The following MTMR2 variants were observed in gnomAD, a reference collection of about 807,000 sequenced individuals.
MTMR2 encodes myotubularin related protein 2.
MTMR2 carries 55 observed loss-of-function variants against 86.9 expected under a neutral mutation model. The ratio of observed to expected loss-of-function variants is 0.63; its 90% CI spans 0.51 to 0.79. MTMR2 has a LOEUF of 0.79. Ranked by LOEUF, MTMR2 falls within the 30% of genes least tolerant of loss-of-function variation. MTMR2 has a pLI of 0.00. For synonymous variants in MTMR2, 241 were observed against 266.8 expected (o/e 0.90, Z 0.94); for missense variants, 659 against 772.3 (o/e 0.85, Z 1.74).
At chr11:95,923,262 C>A (rs1402185289) in intron 1 of MTMR2, among the ~76,000 whole-genome samples, 2 of 152,104 alleles carry the variant, frequency 1.3e-5, no homozygotes, top group Non-Finnish European at 2.9e-5. Context: ...GGATAAAAAC[C>A]ACTCAGATTC....
chr11:95,869,206 T>C (rs1370373827), intron 2 of MTMR2, among the ~76,000 whole-genome samples: 2 of 139,874 alleles, frequency 1.4e-5, no homozygotes, highest in South Asian at 2.3e-4. Flanking sequence ...AACTGCACCA[T>C]AAAGAGATTT....
At position 95,888,114 on chromosome 11, in the gene MTMR2, A is replaced by AAAG. The variant is rs753437557; in HGVS notation, c.186+41_186+42insCTT. 4.2e-6 allele frequency: 6 copies of AAAG among 1,421,922 alleles called. No individual in the cohort carries two copies. The South Asian group carries it at 7.0e-5, about 16-fold the overall frequency. 88.1% of individuals were successfully genotyped at this position (1,421,922 alleles called of 1,614,324 possible). A position where few individuals can be genotyped will look rare whatever the true frequency, so the allele number is the denominator to read the frequency against. ...TTGATAGTGTTGGCCACAAATATTT[A>AAAG]ACAGAAAGTACTTCATCAGAACTTT... On this transcript the variant is annotated intron_variant, in intron 2 of 14. Transcript: ENST00000346299.
chr11:95,892,624 C>T (rs1318786730), intron 1 of MTMR2, among the ~76,000 whole-genome samples: 1 of 152,212 alleles, frequency 6.6e-6, no homozygotes, highest in East Asian at 1.9e-4. Flanking sequence ...TCCATCCAAA[C>T]ATTCCTGTTT....
intron 2 of MTMR2, among the ~76,000 whole-genome samples, chr11:95,885,570 T>C (rs769355959): frequency 3.9e-5 from 6 of 152,076 alleles, no homozygotes; most frequent in Admixed American, 6.6e-5. Context: ...TCGTTCTGGA[T>C]TGTAACAAAA....
At chr11:95,858,390 C>CT in intron 6 of MTMR2, 141 bp downstream of exon 6, 1 of 670,972 alleles carries the variant, frequency 1.5e-6, no homozygotes, top group East Asian at 2.6e-5. Flanking sequence ...ATCTAAGAGA[C>CT]TAAGTTACAC....
At chr11:95,868,298 A>G (rs1419302085) in intron 2 of MTMR2, among the ~76,000 whole-genome samples, 35 of 85,200 alleles carry the variant, frequency 4.1e-4, no homozygotes, top group Admixed American at 1.9e-3. Flanking sequence ...AAAAAAAAAA[A>G]AAAGAAAGAA....
intron 11 of MTMR2, among the ~76,000 whole-genome samples, chr11:95,842,971 G>C (rs1863613733): frequency 6.6e-6 from 1 of 152,030 alleles, no homozygotes; most frequent in Non-Finnish European, 1.5e-5. Flanking sequence ...CGGGAAATAT[G>C]TGTTAACTCT....
chr11:95,868,261 G>C (rs1256236845), intron 2 of MTMR2, among the ~76,000 whole-genome samples: 2 of 112,860 alleles, frequency 1.8e-5, no homozygotes, highest in African/African-American at 6.6e-5. Flanking sequence ...CAATGGGAGT[G>C]AGACCCTGTG....
intron 10 of MTMR2, among the ~76,000 whole-genome samples, chr11:95,847,376 G>A (rs927764796): frequency 1.3e-5 from 2 of 152,130 alleles, no homozygotes; most frequent in Non-Finnish European, 2.9e-5. Context: ...CTGATTAGAT[G>A]GAAAGACAGG....
intron 1 of MTMR2, among the ~76,000 whole-genome samples, chr11:95,910,564 C>G (rs572560615): frequency 6.6e-6 from 1 of 152,034 alleles, no homozygotes; most frequent in Non-Finnish European, 1.5e-5. Flanking sequence ...GGAGAGGCTG[C>G]ATTTCTACTG....
At position 95,835,466 on chromosome 11, in the gene MTMR2, CAT is replaced by C. The variant is rs1863226492; in HGVS notation, c.1771-17_1771-16del. 2 of 1,589,296 alleles carry C rather than the reference CAT, an allele frequency of 1.3e-6. No individual in the cohort carries two copies. The highest frequency in any genetic ancestry group is 1.7e-6 in the Non-Finnish European group (2 of 1,161,468). On this transcript the variant is annotated splice_polypyrimidine_tract_variant and intron_variant, in intron 14 of 14. Coordinates refer to ENST00000346299, the MANE Select transcript of MTMR2 (RefSeq NM_016156.6). ...TGAATAGGTTCCTGCAAGAGCAAAA[CAT>C]AAAATATTCAACTAGGCAATCCTGA...
intron 2 of MTMR2, among the ~76,000 whole-genome samples, chr11:95,884,071 T>C (rs1030421464): frequency 6.6e-6 from 1 of 152,168 alleles, no homozygotes; most frequent in African/African-American, 2.4e-5. Context: ...TGAATGATAA[T>C]TTTCAAAAAC....
chr11:95,897,741 T>G (rs965005928), intron 1 of MTMR2, among the ~76,000 whole-genome samples: 5 of 152,142 alleles, frequency 3.3e-5, no homozygotes, highest in Middle Eastern at 3.2e-3. Context: ...GAGAGAGACC[T>G]CCTAACAATA....
At chr11:95,915,856 A>C (rs1215489574) in intron 1 of MTMR2, among the ~76,000 whole-genome samples, 1 of 152,180 alleles carries the variant, frequency 6.6e-6, no homozygotes, top group East Asian at 1.9e-4. Flanking sequence ...ACAATATAGC[A>C]CGGCAATCCA....
At chr11:95,872,543 A>G (rs949727820) in intron 2 of MTMR2, among the ~76,000 whole-genome samples, 4 of 152,204 alleles carry the variant, frequency 2.6e-5, no homozygotes, top group African/African-American at 7.2e-5. Flanking sequence ...TAGATATACA[A>G]TCATGTCATC....
intron 1 of MTMR2, among the ~76,000 whole-genome samples, chr11:95,892,206 G>GT (rs1305248401): frequency 6.6e-6 from 1 of 152,046 alleles, no homozygotes; most frequent in Non-Finnish European, 1.5e-5. Flanking sequence ...AACAAGCTCT[G>GT]TATTTCCCAA....
Position 95,924,053 on chromosome 11 carries a change from A to G in MTMR2, c.-99T>C. On this transcript the variant is annotated 5_prime_UTR_variant, in exon 1 of 15. An upstream open reading frame in the 5' UTR loses its in-frame stop. Coordinates refer to ENST00000346299, the MANE Select transcript of MTMR2 (RefSeq NM_016156.6). ...AGTGCTACGGACCGGGGCCGCAGTCAGGCCAGCGCCGGCCCGGGAGGGAGA... is the reference window on the plus strand; with the variant it reads ...AGTGCTACGGACCGGGGCCGCAGTCGGGCCAGCGCCGGCCCGGGAGGGAGA... 6.8e-7 allele frequency: 1 copy of G among 1,468,822 alleles called. No individual in the cohort carries two copies. Among genetic ancestry groups the G allele is most frequent in the Non-Finnish European group, 9.3e-7 (1 of 1,074,748 alleles). 91.0% of individuals were successfully genotyped at this position (1,468,822 alleles called of 1,614,324 possible). A position where few individuals can be genotyped will look rare whatever the true frequency, so the allele number is the denominator to read the frequency against.
At chr11:95,916,952 G>A (rs1866734388) in intron 1 of MTMR2, among the ~76,000 whole-genome samples, 1 of 152,098 alleles carries the variant, frequency 6.6e-6, no homozygotes, top group Non-Finnish European at 1.5e-5. Context: ...ATATTAGGAG[G>A]GACAGGCACA....
At chr11:95,919,057 G>A (rs774797992) in intron 1 of MTMR2, among the ~76,000 whole-genome samples, 1 of 152,100 alleles carries the variant, frequency 6.6e-6, no homozygotes, top group Non-Finnish European at 1.5e-5. Flanking sequence ...GGCTGGTCTG[G>A]AATTTCTGGA....
Sources: allele counts gnomAD v4.1 joint callset (sites outside exome capture counted in the v4.1 genomes callset), GRCh38; gene constraint gnomAD v4.1.1; transcripts MANE v1.5; gene names NCBI Gene and HGNC (gene_info 2026-07-23, HGNC 2026-07-21).